NCOA6: variants seen among roughly 807,000 people sequenced by gnomAD.
NCOA6 encodes nuclear receptor coactivator 6, also known as NRC RAP250.
NCOA6 carries 49 observed loss-of-function variants against 171.4 expected under a neutral mutation model. The observed-to-expected ratio is 0.29, with a 90% CI of 0.23 to 0.36. The LOEUF (loss-of-function observed/expected upper bound fraction) is 0.36. NCOA6 is among the 10% of genes least tolerant of loss of function. The pLI is 1.00. For synonymous variants in NCOA6, 910 were observed against 927.5 expected, an observed-to-expected ratio of 0.98 and a Z score of 0.34; for missense variants, 2,248 against 2,554.5, an observed-to-expected ratio of 0.88 and a Z score of 2.59.
intron 1 of NCOA6, among the ~76,000 whole-genome samples, chr20:34,823,183 G>A (rs1204022225): frequency 6.6e-6 from 1 of 151,914 alleles, no homozygotes; most frequent in Non-Finnish European, 1.5e-5. Context: ...TTCTGAAAGG[G>A]GTCCATGGCA....
chr20:34,756,689 T>C (rs1244508410), intron 7 of NCOA6, among the ~76,000 whole-genome samples: 1 of 152,232 alleles, frequency 6.6e-6, no homozygotes, highest in African/African-American at 2.4e-5. Context: ...GGAGCAGGCA[T>C]TGGCATTATA....
At chr20:34,757,012 A>G (rs118111654) in intron 7 of NCOA6, among the ~76,000 whole-genome samples, 19 of 152,350 alleles carry the variant, frequency 1.2e-4, no homozygotes, top group Non-Finnish European at 2.5e-4. Flanking sequence ...CCTGAATTTT[A>G]GTCCAGAGAG....
intron 1 of NCOA6, among the ~76,000 whole-genome samples, chr20:34,797,791 GAC>G (rs2078127014): frequency 6.6e-6 from 1 of 152,096 alleles, no homozygotes; most frequent in African/African-American, 2.4e-5. Context: ...GGGAGGCTGA[GAC>G]AGAAGAACTG....
chr20:34,809,604 CA>C (rs2078584520), intron 1 of NCOA6: 1 of 395,170 alleles, frequency 2.5e-6, no homozygotes, highest in East Asian at 3.6e-5. Flanking sequence ...TAAACCTATT[CA>C]AAATAAATTT....
rs35848122 is a variant in NCOA6 at position 34,751,376 on chromosome 20, C to CAAAAAAAAAAAAAA, written c.1676-871_1676-858dup. 1.5e-3 allele frequency among the ~76,000 whole-genome samples: 100 copies of CAAAAAAAAAAAAAA among 68,188 alleles called. 1 individual carries two copies. The highest frequency in any genetic ancestry group is 2.2e-3 in the African/African-American group (37 of 16,714). 44.7% of individuals were successfully genotyped at this position (68,188 alleles called of 152,430 possible). A position where few individuals can be genotyped will look rare whatever the true frequency, so the allele number is the denominator to read the frequency against. On this transcript the variant is annotated intron_variant, in intron 8 of 14. Coordinates refer to ENST00000359003, the MANE Select transcript of NCOA6 (RefSeq NM_014071.5). ...TGGGCGACAGAGCAAGACTCCGTCT[C>CAAAAAAAAAAAAAA]AAAAAAAAAAAAAAAAAAAAGAATG...
Position 34,787,177 on chromosome 20 carries a change from A to G in NCOA6, c.-49-4773T>C, listed in dbSNP as rs2077711770. Among the ~76,000 whole-genome samples, 3 of 151,576 alleles carry G rather than the reference A, an allele frequency of 2.0e-5. No homozygotes were observed. The South Asian group carries it at 6.2e-4, about 31-fold the overall frequency. ...GCGCTTTCAGGTCTCCCCTGCCTCCAATCTTATTGTCCTCCAATCTGTCTC... is the reference window on the plus strand; with the variant it reads ...GCGCTTTCAGGTCTCCCCTGCCTCCGATCTTATTGTCCTCCAATCTGTCTC... On this transcript the variant is annotated intron_variant, in intron 2 of 14. Coordinates refer to ENST00000359003, the MANE Select transcript of NCOA6 (RefSeq NM_014071.5).
At chr20:34,723,997 C>G (rs939184337) in intron 14 of NCOA6, among the ~76,000 whole-genome samples, 14 of 152,310 alleles carry the variant, frequency 9.2e-5, no homozygotes, top group Admixed American at 2.6e-4. Context: ...TGAAAGGCTA[C>G]AAGAACATGC....
chr20:34,805,552 T>C (rs1207203512), intron 1 of NCOA6, among the ~76,000 whole-genome samples: 1 of 152,204 alleles, frequency 6.6e-6, no homozygotes, highest in East Asian at 1.9e-4. Context: ...CACAAGTTGA[T>C]TATCTTGGCT....
rs1324868700 is a variant in NCOA6 at position 34,742,113 on chromosome 20, C to T, written c.4143G>A (p.Leu1381=). The part of the protein sequence containing the change: ...PRNVLVSPTP[L]ANPPVPGSFP... ...AGCTCCCAGGTACAGGGGGATTGGC[C>T]AGAGGAGTGGGACTGACCAATACAT... The change falls in exon 11 of 15, where the codon CTG becomes CTA. Residue 1381 remains leucine (L), a synonymous_variant. Transcript: ENST00000359003. 1.9e-6 allele frequency: 3 copies of T among 1,614,048 alleles called. No individual in the cohort carries two copies. Among genetic ancestry groups the T allele is most frequent in the South Asian group, 1.1e-5 (1 of 91,082 alleles).
chr20:34,778,914 G>T (rs968397540), intron 3 of NCOA6, among the ~76,000 whole-genome samples: 1 of 139,470 alleles, frequency 7.2e-6, no homozygotes, highest in Non-Finnish European at 1.5e-5. Context: ...AGCCGAGATC[G>T]CACCACTGCA....
intron 1 of NCOA6, chr20:34,809,547 G>A: frequency 7.5e-6 from 3 of 398,474 alleles, no homozygotes; most frequent in Non-Finnish European, 1.3e-5. Context: ...AAAAGGGCAA[G>A]AGGAAGAAGA....
rs1236587049 is a variant in NCOA6, at chr20:34,777,114, C to T, written c.236-666G>A. On this transcript the variant is annotated intron_variant, in intron 3 of 14. Transcript: ENST00000359003. ...CCTGGGCAACAAAGTGAGACTCCGT[C>T]TCAAAAAAAAAAAAAAAAAAAAAAG... is the stretch of plus-strand genomic sequence containing the variant. Among the ~76,000 whole-genome samples the T allele has an allele frequency of 6.2e-5, 6 of 96,122 alleles. No homozygotes were observed. The East Asian group carries it at 2.2e-3, about 35-fold the overall frequency. The allele number at this position is 96,122 out of a possible 152,430, so 63.1% of individuals were successfully genotyped here.
At position 34,778,153 on chromosome 20, in the gene NCOA6, C is replaced by T. The variant is rs183000390; in HGVS notation, c.236-1705G>A. 8.5e-5 allele frequency among the ~76,000 whole-genome samples: 13 copies of T among 152,208 alleles called. No individual in the cohort carries two copies. In the East Asian group the frequency reaches 1.2e-3, roughly 14 times the overall value. ...CTCCTGACCTCATGATCGCCCGCCT[C>T]GGCCTCCCGAAGTGCTGGGATTACA... is the stretch of plus-strand genomic sequence containing the variant. On this transcript the variant is annotated intron_variant, in intron 3 of 14. Transcript: ENST00000359003.
rs61752052 is a variant in NCOA6, at chr20:34,743,076, G to A, written c.3180C>T (p.Pro1060=). Residue 1060 remains proline (P), a synonymous_variant, in exon 11 of 15, where the codon CCC becomes CCT. Coordinates refer to ENST00000359003, the MANE Select transcript of NCOA6 (RefSeq NM_014071.5). ...VSQNVHPPRG[P]LNPDSQRMPM... ...GCATTCTCTGGGAGTCGGGGTTCAG[G>A]GGGCCCCTTGGAGGATGGACATTTT... 14,082 of 1,613,606 alleles carry A rather than the reference G, an allele frequency of 8.7e-3. 85 individuals are homozygous for A. The highest frequency in any genetic ancestry group is 0.011 in the Non-Finnish European group (12,390 of 1,179,662).
intron 1 of NCOA6, chr20:34,821,556 A>G (rs2079007879): frequency 6.6e-6 from 1 of 151,412 alleles, no homozygotes; most frequent in African/African-American, 2.4e-5. Context: ...CGCCCTTATT[A>G]TCAATGAGAA....
At chr20:34,787,217 A>G (rs2077713061) in intron 2 of NCOA6, among the ~76,000 whole-genome samples, 1 of 152,020 alleles carries the variant, frequency 6.6e-6, no homozygotes, top group Non-Finnish European at 1.5e-5. Flanking sequence ...CAGCAGCCAC[A>G]GGGATCTTTC....
chr20:34,820,968 T>C (rs1164630144), intron 1 of NCOA6: 1 of 152,190 alleles, frequency 6.6e-6, no homozygotes, highest in Non-Finnish European at 1.5e-5. Context: ...TACCACACAG[T>C]ACACTCCAGA....
intron 13 of NCOA6, 27 bp downstream of exon 13, chr20:34,732,532 C>T (rs2075818427): frequency 6.2e-7 from 1 of 1,610,476 alleles, no homozygotes; most frequent in African/African-American, 1.3e-5. Flanking sequence ...TGTGTTCATG[C>T]TACGTCTGCA....
At chr20:34,744,276 C>T (rs1255786900) in intron 10 of NCOA6, among the ~76,000 whole-genome samples, 1 of 152,162 alleles carries the variant, frequency 6.6e-6, no homozygotes, top group Non-Finnish European at 1.5e-5. Context: ...AGGGCAACAT[C>T]TCAAATTATT....
Sources: gnomAD v4.1 joint callset for allele counts (sites outside exome capture counted in the v4.1 genomes callset) on GRCh38, gnomAD v4.1.1 for gene constraint, MANE v1.5 for transcripts, NCBI Gene and HGNC (gene_info 2026-07-23, HGNC 2026-07-21) for gene names.